Variants in RIT2 observed in about 807,000 individuals in gnomAD.
The protein encoded by RIT2 is GTP-binding protein Rit2.
Under a neutral mutation model 23.7 loss-of-function variants are expected in RIT2, and 24 were observed. The observed-to-expected ratio is 1.01, with a 90% CI of 0.73 to 1.43. The LOEUF is 1.43. RIT2 is among the 40% of genes most tolerant of loss of function. The pLI, the probability that RIT2 is intolerant of heterozygous loss-of-function variation, is 0.00. For synonymous variants in RIT2, 107 were observed against 91.1 expected, an observed-to-expected ratio of 1.17 and a Z score of -0.99; for missense variants, 236 against 266.9, an observed-to-expected ratio of 0.88 and a Z score of 0.81.
chr18:43,077,220 A>T (rs944195866), intron 1 of RIT2, among the ~76,000 whole-genome samples: 1 of 152,212 alleles, frequency 6.6e-6, no homozygotes, highest in African/African-American at 2.4e-5. Context: ...AGTGCCAGGA[A>T]ATAGAAAATG....
At chr18:42,904,515 C>G (rs1447828860) in intron 4 of RIT2, among the ~76,000 whole-genome samples, 2 of 152,088 alleles carry the variant, frequency 1.3e-5, no homozygotes, top group Non-Finnish European at 2.9e-5. Flanking sequence ...TGGGAGGTAA[C>G]TGTTAATGAG....
intron 3 of RIT2, among the ~76,000 whole-genome samples, chr18:42,939,207 A>T (rs997890002): frequency 2.6e-5 from 4 of 152,186 alleles, no homozygotes; most frequent in Non-Finnish European, 5.9e-5. Context: ...GGGATTAAGC[A>T]TGGGGTTCTC....
intron 3 of RIT2, among the ~76,000 whole-genome samples, chr18:42,959,765 T>C (rs1910055135): frequency 6.6e-6 from 1 of 152,204 alleles, no homozygotes; most frequent in Non-Finnish European, 1.5e-5. Context: ...ATCTGTCCCA[T>C]AGAGGATCAA....
intron 4 of RIT2, among the ~76,000 whole-genome samples, chr18:42,796,927 C>A (rs1272743216): frequency 1.3e-5 from 2 of 152,174 alleles, no homozygotes; most frequent in Non-Finnish European, 2.9e-5. Flanking sequence ...TGAAGTAATT[C>A]ACTTGGTAAA....
chr18:43,100,395 C>T (rs1913655646), intron 1 of RIT2, among the ~76,000 whole-genome samples: 1 of 152,068 alleles, frequency 6.6e-6, no homozygotes, highest in Non-Finnish European at 1.5e-5. Flanking sequence ...GTTAGTAGGA[C>T]ATGAGATCAC....
At chr18:42,985,874 AG>A (rs759491785) in intron 2 of RIT2, among the ~76,000 whole-genome samples, 1 of 152,074 alleles carries the variant, frequency 6.6e-6, no homozygotes, top group Non-Finnish European at 1.5e-5. Context: ...ATAAAGTAAA[AG>A]ATTGACCAGT....
At chr18:42,972,837 T>C (rs1410058399) in intron 3 of RIT2, among the ~76,000 whole-genome samples, 1 of 151,850 alleles carries the variant, frequency 6.6e-6, no homozygotes, top group Non-Finnish European at 1.5e-5. Context: ...TTGTATTGAC[T>C]GAAGTATTCT....
At chr18:42,744,360 A>T (rs1004849023) in intron 4 of RIT2, among the ~76,000 whole-genome samples, 4 of 152,216 alleles carry the variant, frequency 2.6e-5, no homozygotes, top group African/African-American at 9.7e-5. Context: ...GTTTTAAGAG[A>T]GAATCCTAGA....
At chr18:42,775,569 C>T (rs1052667028) in intron 4 of RIT2, among the ~76,000 whole-genome samples, 36 of 151,760 alleles carry the variant, frequency 2.4e-4, no homozygotes, top group Admixed American at 1.9e-3. Context: ...TGGTGGCGGG[C>T]GCCTGTAGTC....
At chr18:42,913,609 C>T (rs1481042108) in intron 4 of RIT2, among the ~76,000 whole-genome samples, 1 of 151,556 alleles carries the variant, frequency 6.6e-6, no homozygotes, top group African/African-American at 2.4e-5. Flanking sequence ...CGAAATAAGC[C>T]AGGCACAGAA....
At chr18:43,079,409 T>C (rs768116321) in intron 1 of RIT2, among the ~76,000 whole-genome samples, 2 of 152,196 alleles carry the variant, frequency 1.3e-5, no homozygotes, top group African/African-American at 2.4e-5. Flanking sequence ...TAAACATTTT[T>C]GTGGCCAGGT....
At chr18:43,049,756 A>T (rs1337025335) in intron 1 of RIT2, among the ~76,000 whole-genome samples, 1 of 151,954 alleles carries the variant, frequency 6.6e-6, no homozygotes, top group Non-Finnish European at 1.5e-5. Context: ...AGGCAAAGGA[A>T]ATAGCATGTG....
rs557117100 is a variant in RIT2, at chr18:42,871,881, G to A, written c.426+51691C>T. Reference sequence around the variant, plus strand: ...TAACAAGACTTATTTCAAATGATCTGGGGACACAGGAACCATGGTAGGGAG... The same window carrying A: ...TAACAAGACTTATTTCAAATGATCTAGGGACACAGGAACCATGGTAGGGAG... On this transcript the variant is annotated intron_variant, in intron 4 of 4. Transcript: ENST00000326695. Among the ~76,000 whole-genome samples, 6 of 152,248 alleles carry A rather than the reference G, an allele frequency of 3.9e-5. No homozygotes were observed. The South Asian group carries it at 1.2e-3, about 32-fold the overall frequency.
intron 3 of RIT2, among the ~76,000 whole-genome samples, chr18:42,938,479 T>G (rs1187483337): frequency 6.6e-6 from 1 of 152,178 alleles, no homozygotes; most frequent in Non-Finnish European, 1.5e-5. Context: ...ATTTGGTACT[T>G]CCTTTCCTCC....
chr18:42,887,233 T>C (rs1473027777), intron 4 of RIT2, among the ~76,000 whole-genome samples: 1 of 152,152 alleles, frequency 6.6e-6, no homozygotes, highest in Non-Finnish European at 1.5e-5. Context: ...ATGCAAAAAG[T>C]AAGTAATTAA....
chr18:42,963,296 C>G (rs1429197547), intron 3 of RIT2, among the ~76,000 whole-genome samples: 1 of 152,150 alleles, frequency 6.6e-6, no homozygotes, highest in African/African-American at 2.4e-5. Context: ...AAAATAGTTA[C>G]TTAATTAAGA....
chr18:43,047,687 G>A (rs1207227192), intron 1 of RIT2, among the ~76,000 whole-genome samples: 2 of 152,142 alleles, frequency 1.3e-5, no homozygotes, highest in Non-Finnish European at 2.9e-5. Flanking sequence ...GAAAAAGGAA[G>A]AAGTTTCTTT....
At chr18:42,788,257 C>T (rs560738286) in intron 4 of RIT2, among the ~76,000 whole-genome samples, 173 of 152,130 alleles carry the variant, frequency 1.1e-3, no homozygotes, top group African/African-American at 2.7e-3. Context: ...TTAAAATATA[C>T]GGAGAAAATC....
intron 4 of RIT2, 25 bp downstream of exon 4, chr18:42,923,547 G>C: frequency 6.2e-7 from 1 of 1,601,080 alleles, no homozygotes; most frequent in Non-Finnish European, 8.5e-7. Flanking sequence ...AAAGACAGAA[G>C]CTACCAGATA....
Sources: allele counts gnomAD v4.1 joint callset (sites outside exome capture counted in the v4.1 genomes callset), GRCh38; gene constraint gnomAD v4.1.1; transcripts MANE v1.5; gene names NCBI Gene and HGNC (gene_info 2026-07-23, HGNC 2026-07-21).